The following SCP2 variants were observed in gnomAD, a reference collection of about 807,000 sequenced individuals.
SCP2 encodes SCP-2/3-oxoacyl-CoA thiolase.
Under a neutral mutation model 71.4 loss-of-function variants are expected in SCP2, and 48 were observed. That is an observed-to-expected ratio of 0.67 (90% CI 0.53 to 0.86). SCP2 has a LOEUF of 0.86. Among genes scored for constraint, SCP2 ranks in the 40% least tolerant of loss-of-function variants. The pLI is 0.00. For missense variants in SCP2, 560 were observed against 655.6 expected, an observed-to-expected ratio of 0.85 and a Z score of 1.59; for synonymous variants, 220 against 218.1, an observed-to-expected ratio of 1.01 and a Z score of -0.08.
At chr1:53,028,483 A>G (rs1382340828) in intron 13 of SCP2, among the ~76,000 whole-genome samples, 1 of 147,162 alleles carries the variant, frequency 6.8e-6, no homozygotes, top group African/African-American at 2.6e-5. Context: ...ATATATATCA[A>G]AATTCTTTGT....
intron 6 of SCP2, among the ~76,000 whole-genome samples, chr1:52,969,740 G>A (rs1391920889): frequency 2.0e-5 from 3 of 152,182 alleles, no homozygotes; most frequent in Non-Finnish European, 1.5e-5. Flanking sequence ...AGAACTGCTT[G>A]AGCCTGGGAG....
intron 11 of SCP2, among the ~76,000 whole-genome samples, chr1:52,991,658 C>G (rs1252019684): frequency 6.6e-6 from 1 of 152,204 alleles, no homozygotes; most frequent in Non-Finnish European, 1.5e-5. Flanking sequence ...CTCGGCCTCC[C>G]AAAGTGCTGG....
chr1:52,995,129 T>A, intron 11 of SCP2: 1 of 498,134 alleles, frequency 2.0e-6, no homozygotes, highest in South Asian at 1.6e-5. Flanking sequence ...GGCTTGCAGC[T>A]GACCCACTCA....
intron 6 of SCP2, among the ~76,000 whole-genome samples, chr1:52,969,990 T>C (rs1439450136): frequency 4.6e-5 from 7 of 152,180 alleles, no homozygotes; most frequent in Non-Finnish European, 1.0e-4. Context: ...TAATAAATGG[T>C]TAGTGGTATA....
intron 10 of SCP2, among the ~76,000 whole-genome samples, chr1:52,982,730 C>T (rs746893638): frequency 2.6e-4 from 40 of 152,166 alleles, no homozygotes; most frequent in Admixed American, 2.2e-3. Context: ...TCCCCTTTGC[C>T]GTACACTGTC....
intron 1 of SCP2, among the ~76,000 whole-genome samples, chr1:52,937,504 T>C (rs1653846462): frequency 6.6e-6 from 1 of 152,228 alleles, no homozygotes. Context: ...ACCTTTAATA[T>C]GCTGGATTAA....
At chr1:52,967,687 G>T (rs1425486251) in intron 6 of SCP2, among the ~76,000 whole-genome samples, 2 of 152,094 alleles carry the variant, frequency 1.3e-5, no homozygotes, top group Admixed American at 6.6e-5. Context: ...GGGTCAGGGG[G>T]CTCCTTGCTT....
intron 11 of SCP2, among the ~76,000 whole-genome samples, chr1:52,991,135 C>G (rs1659458480): frequency 6.6e-6 from 1 of 152,190 alleles, no homozygotes; most frequent in South Asian, 2.1e-4. Context: ...AGCCTCTTCA[C>G]TCTCTTTAGT....
chr1:52,931,210 G>C (rs931062161), intron 1 of SCP2, among the ~76,000 whole-genome samples: 20 of 152,316 alleles, frequency 1.3e-4, no homozygotes, highest in Admixed American at 7.8e-4. Context: ...TGATGGAGAA[G>C]TGGTCACTGA....
At chr1:52,963,216 T>A (rs1279227904) in intron 6 of SCP2, among the ~76,000 whole-genome samples, 1 of 152,172 alleles carries the variant, frequency 6.6e-6, no homozygotes, top group Non-Finnish European at 1.5e-5. Context: ...GCACTATTTA[T>A]GTTCATATAT....
rs960237628 is a variant in SCP2 at position 53,013,763 on chromosome 1, G to A, written c.1082-1127G>A. On this transcript the variant is annotated intron_variant, in intron 11 of 15. Transcript: ENST00000371514. ...AGTTAAATTTCTTGGGGAAGTTGGG[G>A]TTTATACAGGAAATTGTCACAGGTA... 4.1e-4 allele frequency among the ~76,000 whole-genome samples: 63 copies of A among 151,978 alleles called. 1 individual carries two copies. The highest frequency in any genetic ancestry group is 1.4e-3 in the African/African-American group (57 of 41,392).
At chr1:52,951,443 ATT>A (rs1222390362) in intron 4 of SCP2, among the ~76,000 whole-genome samples, 146 of 151,622 alleles carry the variant, frequency 9.6e-4, no homozygotes, top group Middle Eastern at 3.4e-3. Context: ...TTTATACAAA[ATT>A]AAAAAAAATT....
At chr1:52,945,523 G>A (rs909409896) in intron 2 of SCP2, among the ~76,000 whole-genome samples, 3 of 152,006 alleles carry the variant, frequency 2.0e-5, no homozygotes, top group African/African-American at 7.2e-5. Context: ...CTAACACGGT[G>A]AAAACTCCAT....
At chr1:52,935,666 A>G (rs1653671189) in intron 1 of SCP2, among the ~76,000 whole-genome samples, 1 of 150,372 alleles carries the variant, frequency 6.7e-6, no homozygotes, top group South Asian at 2.1e-4. Context: ...GGGTCTAGTG[A>G]GTGGCTCATG....
intron 4 of SCP2, among the ~76,000 whole-genome samples, chr1:52,954,331 AAACAACAACAAC>A (rs199683265): frequency 1.3e-5 from 2 of 151,034 alleles, no homozygotes; most frequent in Non-Finnish European, 2.9e-5. Context: ...AAAAGCAAAC[AAACAACAACAAC>A]AACAACAACA....
At chr1:52,993,076 T>C (rs1659640852) in intron 11 of SCP2, 3 of 1,175,858 alleles carry the variant, frequency 2.6e-6, no homozygotes, top group Non-Finnish European at 3.8e-6. Flanking sequence ...CTTCTTGGTC[T>C]AAGGCTAACA....
intron 1 of SCP2, among the ~76,000 whole-genome samples, chr1:52,937,015 A>C (rs1159028817): frequency 6.6e-6 from 1 of 152,220 alleles, no homozygotes; most frequent in Non-Finnish European, 1.5e-5. Flanking sequence ...AGCAGTTGAA[A>C]AAAATGTACT....
Position 53,039,091 on chromosome 1 carries a change from C to T in SCP2, c.1468+45C>T, listed in dbSNP as rs778180774. 1.2e-5 allele frequency: 19 copies of T among 1,611,432 alleles called. No homozygotes were observed. The South Asian group carries it at 1.4e-4, about 12-fold the overall frequency. On this transcript the variant is annotated intron_variant, in intron 14 of 15. Coordinates refer to ENST00000371514, the MANE Select transcript of SCP2 (RefSeq NM_002979.5). ...CATTCTAGGAGCACTGACGAGTTTA[C>T]GAAGGCTGTCAGCTGGGAAAATGGG...
intron 7 of SCP2, 61 bp downstream of exon 7, chr1:52,974,893 A>G: frequency 1.2e-6 from 1 of 821,218 alleles, no homozygotes; most frequent in Non-Finnish European, 2.2e-6. Context: ...ATAATATGCA[A>G]CTTTATACTT....
Sources: allele counts gnomAD v4.1 joint callset (sites outside exome capture counted in the v4.1 genomes callset), GRCh38; gene constraint gnomAD v4.1.1; transcripts MANE v1.5; gene names NCBI Gene and HGNC (gene_info 2026-07-23, HGNC 2026-07-21).